SFXN5: variants seen among roughly 807,000 people sequenced by gnomAD.
SFXN5 encodes the protein sideroflexin 5.
SFXN5 carries 43 observed loss-of-function variants against 50.2 expected under a neutral mutation model. The ratio of observed to expected loss-of-function variants is 0.86; its 90% CI spans 0.67 to 1.11. The LOEUF (loss-of-function observed/expected upper bound fraction) is 1.11. SFXN5 is among the 50% of genes least tolerant of loss of function. The pLI, the probability that SFXN5 is intolerant of heterozygous loss-of-function variation, is 0.00. For synonymous variants in SFXN5, 203 were observed against 185.8 expected (o/e 1.09, Z -0.75); for missense variants, 463 against 454.1 (o/e 1.02, Z -0.18).
chr2:72,986,257 T>C (rs1313319686), intron 10 of SFXN5, among the ~76,000 whole-genome samples: 1 of 152,194 alleles, frequency 6.6e-6, no homozygotes, highest in African/African-American at 2.4e-5. Flanking sequence ...CGGAATTCAT[T>C]AGTCTCTGGG....
In SFXN5 at chr2:73,040,914, A is replaced by G. The variant is rs1362133802; in HGVS notation, c.189T>C (p.Ala63=). The G allele has an allele frequency of 1.2e-6, 2 of 1,613,040 alleles. No individual in the cohort carries two copies. The highest frequency in any genetic ancestry group is 2.2e-5 in the East Asian group (1 of 44,888). Residue 63 remains alanine (A), a synonymous_variant, in exon 3 of 14, where the codon GCT becomes GCC. Transcript: ENST00000272433. ...LFVTERRLRE[A]VQLLEDYKHG... ...GCTTATAGTCCTCCAGCAGCTGCAC[A>G]GCCTCTCTGAGACGTCTCTGCAGAA...
rs141734232 is a variant in SFXN5 at position 72,951,898 on chromosome 2, C to T, written c.946-6799G>A. Among the ~76,000 whole-genome samples, 3 of 152,326 alleles carry T rather than the reference C, an allele frequency of 2.0e-5. No homozygotes were observed. In the East Asian group the frequency reaches 5.8e-4, roughly 29 times the overall value. ...CTGAGGCCTCTGCCAGGCCTGGGACCGCTTTGTCCACTGGGCACAACATCC... is the reference window on the plus strand; with the variant it reads ...CTGAGGCCTCTGCCAGGCCTGGGACTGCTTTGTCCACTGGGCACAACATCC... On this transcript the variant is annotated intron_variant, in intron 13 of 13. Coordinates refer to ENST00000272433, the MANE Select transcript of SFXN5 (RefSeq NM_144579.3).
At chr2:73,001,952 C>A (rs1673971582) in intron 6 of SFXN5, among the ~76,000 whole-genome samples, 1 of 152,128 alleles carries the variant, frequency 6.6e-6, no homozygotes, top group Non-Finnish European at 1.5e-5. Context: ...AAACAACAGA[C>A]ATGTATTATT....
At chr2:73,026,463 C>G (rs1677570678) in intron 3 of SFXN5, among the ~76,000 whole-genome samples, 1 of 152,030 alleles carries the variant, frequency 6.6e-6, no homozygotes, top group South Asian at 2.1e-4. Context: ...CACCTAAGGA[C>G]ATTTTGGTCA....
chr2:72,952,567 T>C (rs934181992), intron 13 of SFXN5, among the ~76,000 whole-genome samples: 1 of 152,328 alleles, frequency 6.6e-6, no homozygotes, highest in South Asian at 2.1e-4. Flanking sequence ...CCCTGTGCTA[T>C]GTGTTCCCAG....
At chr2:73,018,519 A>G (rs997670206) in intron 6 of SFXN5, among the ~76,000 whole-genome samples, 5 of 152,250 alleles carry the variant, frequency 3.3e-5, no homozygotes. Flanking sequence ...AGAAAACATT[A>G]AAGAAAGAGG....
At chr2:73,027,686 G>A (rs1199910567) in intron 3 of SFXN5, among the ~76,000 whole-genome samples, 1 of 150,934 alleles carries the variant, frequency 6.6e-6, no homozygotes, top group Non-Finnish European at 1.5e-5. Context: ...TTTTAGACAG[G>A]GCTTGCTCTG....
chr2:73,007,650 C>T (rs1234923468), intron 6 of SFXN5, among the ~76,000 whole-genome samples: 3 of 152,140 alleles, frequency 2.0e-5, no homozygotes, highest in African/African-American at 7.2e-5. Flanking sequence ...GGGAGCCTCC[C>T]AGGTAGAGCA....
intron 1 of SFXN5, among the ~76,000 whole-genome samples, chr2:73,070,157 G>C (rs1214014385): frequency 6.6e-6 from 1 of 152,188 alleles, no homozygotes; most frequent in African/African-American, 2.4e-5. Context: ...ATGGGGGTGG[G>C]AGCGGGGACA....
chr2:72,977,641 C>A lies in SFXN5; in HGVS notation c.626-5956G>T, dbSNP rs559616737. Among the ~76,000 whole-genome samples the A allele has an allele frequency of 3.3e-5, 5 of 152,216 alleles. No individual in the cohort carries two copies. The East Asian group carries it at 9.7e-4, about 29-fold the overall frequency. On this transcript the variant is annotated intron_variant, in intron 10 of 13. Transcript: ENST00000272433. ...TCTGTCATATAGTTTAATATATAGT[C>A]AGATAAAGAATCCTTCCTGGTATAT...
At chr2:73,062,004 C>A (rs1040214850) in intron 1 of SFXN5, among the ~76,000 whole-genome samples, 10 of 152,078 alleles carry the variant, frequency 6.6e-5, no homozygotes, top group African/African-American at 2.4e-4. Context: ...GTAGTCCCAG[C>A]TACTTAGGAG....
intron 3 of SFXN5, among the ~76,000 whole-genome samples, chr2:73,037,344 G>A (rs1679116163): frequency 6.6e-6 from 1 of 152,100 alleles, no homozygotes; most frequent in Non-Finnish European, 1.5e-5. Context: ...CTTCCTACCT[G>A]CTCTATCCCC....
chr2:73,053,669 A>C (rs566063019), intron 2 of SFXN5: 1 of 152,228 alleles, frequency 6.6e-6, no homozygotes, highest in Non-Finnish European at 1.5e-5. Flanking sequence ...AATTCCCTCA[A>C]GAGGAGTTTC....
chr2:73,026,412 G>A (rs907330781), intron 3 of SFXN5, among the ~76,000 whole-genome samples: 1 of 151,274 alleles, frequency 6.6e-6, no homozygotes, highest in African/African-American at 2.4e-5. Context: ...ATTACACCTC[G>A]CCCAACATGG....
intron 1 of SFXN5, among the ~76,000 whole-genome samples, chr2:73,061,488 T>C (rs192408154): frequency 7.7e-4 from 118 of 152,296 alleles, no homozygotes; most frequent in Admixed American, 1.6e-3. Context: ...CCATGTATAT[T>C]TGCTATCTTT....
chr2:73,034,275 C>G (rs1242111909), intron 3 of SFXN5, among the ~76,000 whole-genome samples: 1 of 152,208 alleles, frequency 6.6e-6, no homozygotes, highest in African/African-American at 2.4e-5. Context: ...ACCAGGATCC[C>G]CAGAGCTTGA....
At chr2:73,023,141 T>C in intron 4 of SFXN5, 47 bp downstream of exon 4, 2 of 1,583,222 alleles carry the variant, frequency 1.3e-6, no homozygotes, top group Non-Finnish European at 1.7e-6. Context: ...CAGGGTGGAG[T>C]CCAGGACAAC....
At chr2:72,958,317 T>C (rs926451047) in intron 13 of SFXN5, among the ~76,000 whole-genome samples, 2 of 152,166 alleles carry the variant, frequency 1.3e-5, no homozygotes, top group Non-Finnish European at 2.9e-5. Flanking sequence ...TAGCACTTCC[T>C]AGGGGCCTGG....
chr2:73,016,812 G>A (rs1486852878), intron 6 of SFXN5, among the ~76,000 whole-genome samples: 1 of 152,140 alleles, frequency 6.6e-6, no homozygotes, highest in Admixed American at 6.6e-5. Flanking sequence ...ATGTGGTTAC[G>A]CCTGATAAAC....
Sources: allele counts gnomAD v4.1 joint callset (sites outside exome capture counted in the v4.1 genomes callset), GRCh38; gene constraint gnomAD v4.1.1; transcripts MANE v1.5; gene names NCBI Gene and HGNC (gene_info 2026-07-23, HGNC 2026-07-21).